The following GP5 variants were observed in gnomAD, a reference collection of about 807,000 sequenced individuals.
GP5 encodes glycoprotein V platelet, also known as platelet glycoprotein V.
For synonymous variants in GP5, 382 were observed against 353.9 expected (o/e 1.08, Z -0.89); for missense variants, 755 against 737.1 (o/e 1.02, Z -0.28).
chr3:194,397,048 C>G lies in GP5; in HGVS notation c.1235G>C (p.Arg412Pro). 1 of 1,596,996 alleles carries G rather than the reference C, an allele frequency of 6.3e-7. No homozygotes were observed. Among genetic ancestry groups the G allele is most frequent in the Non-Finnish European group, 8.5e-7 (1 of 1,178,598 alleles). ...GTGCCCCAACAGGACCTCCGTCAGCCGGGGCAGAGCCCCAAACACGTCGCC... is the reference window on the plus strand; with the variant it reads ...GTGCCCCAACAGGACCTCCGTCAGCGGGGGCAGAGCCCCAAACACGTCGCC... ...LPGDVFGALP[R>P]LTEVLLGHNS... is the part of the protein sequence containing the mutation. The change falls in exon 2 of 2, where the codon CGG becomes CCG. Residue 412 changes from arginine (R) to proline (P), a missense_variant. Physicochemically the swap from Arg to Pro is moderately radical, Grantham distance 103. Coordinates refer to ENST00000692618, the MANE Select transcript of GP5 (RefSeq NM_004488.2). The surrounding 1 kb of genome is among the most constrained non-coding windows in gnomAD (Gnocchi z 7.2).
At position 194,396,819 on chromosome 3, in the gene GP5, C is replaced by A. The variant is rs748131440; in HGVS notation, c.1464G>T (p.Ser488=). The change falls in exon 2 of 2, where the codon TCG becomes TCT. Residue 488 remains serine (S), a synonymous_variant. Coordinates refer to ENST00000692618, the MANE Select transcript of GP5 (RefSeq NM_004488.2). ...PPPRPAADSS[S]EAPVHPALAP... ...CCAAGGCTGGGTGGACAGGGGCTTC[C>A]GAGGAGCTGTCCGCAGCGGGGCGGG... The A allele has an allele frequency of 6.3e-7, 1 of 1,600,000 alleles. No homozygotes were observed. Among genetic ancestry groups the A allele is most frequent in the East Asian group, 2.3e-5 (1 of 44,322 alleles).
chr3:194,396,603 C>A lies in GP5; in HGVS notation c.1680G>T (p.Gly560=), dbSNP rs753524407. The part of the protein sequence containing the change: ...FRKLIRERAL[G] ...ATTAGAAGATTTTCCCATTGGTTTA[C>A]CCAAGGGCTCTCTCTCTGATTAATT... Residue 560 remains glycine, a synonymous_variant, in exon 2 of 2, where the codon GGG becomes GGT. Transcript: ENST00000692618. The A allele has an allele frequency of 1.9e-6, 3 of 1,607,114 alleles. No homozygotes were observed. Among genetic ancestry groups the A allele is most frequent in the Non-Finnish European group, 2.6e-6 (3 of 1,176,084 alleles).
In GP5 at chr3:194,397,353, G is replaced by C. The variant is rs1577011451; in HGVS notation, c.930C>G (p.Phe310Leu). 7.5e-6 allele frequency: 12 copies of C among 1,604,462 alleles called. No homozygotes were observed. The East Asian group carries it at 2.7e-4, about 36-fold the overall frequency. ...TQLRTLPAAAFRNLSRLRYLG... is the reference protein window; with the variant it reads ...TQLRTLPAAALRNLSRLRYLG... ...AGTACCGCAGGCGGCTCAGGTTGCG[G>C]AAGGCGGCGGCGGGCAGGGTGCGCA... The change falls in exon 2 of 2, where the codon TTC becomes TTG. Residue 310 changes from phenylalanine (F) to leucine (L), a missense_variant. Phe to Leu is a conservative substitution (Grantham distance 22, BLOSUM62 0). Coordinates refer to ENST00000692618, the MANE Select transcript of GP5 (RefSeq NM_004488.2). This position sits in a 1 kb window ranked among gnomAD's most constrained non-coding sequence, Gnocchi z 7.2.
intron 1 of GP5, among the ~76,000 whole-genome samples, chr3:194,399,020 C>CAATAAA (rs1714537194): frequency 6.6e-6 from 1 of 151,608 alleles, no homozygotes; most frequent in Non-Finnish European, 1.5e-5. Flanking sequence ...TCTGACTTAG[C>CAATAAA]CATAAAGAGC....
In GP5 at chr3:194,396,237, C is replaced by G. The variant is rs542059499; in HGVS notation, c.*363G>C. 1 of 202,564 alleles carries G rather than the reference C, an allele frequency of 4.9e-6. No homozygotes were observed. The highest frequency in any genetic ancestry group is 1.2e-4 in the East Asian group (1 of 8,638). 12.5% of individuals were successfully genotyped at this position (202,564 alleles called of 1,614,324 possible). On this transcript the variant is annotated 3_prime_UTR_variant, in exon 2 of 2. Transcript: ENST00000692618. ...GACACTGAAGAGGCCCCTCTCTCCA[C>G]CAGACGCCAAGCCAGGCACAGCGGA...
chr3:194,398,613 AG>A (rs776969226), intron 1 of GP5, among the ~76,000 whole-genome samples: 1 of 152,230 alleles, frequency 6.6e-6, no homozygotes, highest in African/African-American at 2.4e-5. Context: ...GACATCACAA[AG>A]CAATGTCCAT....
intron 1 of GP5, among the ~76,000 whole-genome samples, chr3:194,398,643 C>T (rs1007090282): frequency 6.6e-6 from 1 of 152,230 alleles, no homozygotes; most frequent in Admixed American, 6.5e-5. Context: ...CGGCTCTGCT[C>T]TTGACTTTAT....
chr3:194,397,971 C>T lies in GP5; in HGVS notation c.312G>A (p.Arg104=), dbSNP rs1322009303. The T allele has an allele frequency of 6.2e-7, 1 of 1,614,188 alleles. No homozygotes were observed. Among genetic ancestry groups the T allele is most frequent in the Non-Finnish European group, 8.5e-7 (1 of 1,180,024 alleles). ...FSDLIKLKTL[R]LSRNKITHLP... Reference sequence around the variant, plus strand: ...GATGCGTGATTTTGTTGCGCGACAGCCTCAGGGTTTTCAGTTTTATCAGGT... The same window carrying T: ...GATGCGTGATTTTGTTGCGCGACAGTCTCAGGGTTTTCAGTTTTATCAGGT... The change falls in exon 2 of 2, where the codon AGG becomes AGA. Residue 104 remains arginine (R), a synonymous_variant. Transcript: ENST00000692618. This position sits in a 1 kb window ranked among gnomAD's most constrained non-coding sequence, Gnocchi z 7.2.
Position 194,396,941 on chromosome 3 carries a change from G to T in GP5, c.1342C>A (p.Pro448Thr). The change falls in exon 2 of 2, where the codon CCC becomes ACC. Residue 448 changes from proline (P) to threonine (T), a missense_variant. Pro to Thr is a conservative substitution (Grantham distance 38). Coordinates refer to ENST00000692618, the MANE Select transcript of GP5 (RefSeq NM_004488.2). Reference protein sequence around the residue: ...QHLGLVGGEEPPRCAGPGAHA... With the variant: ...QHLGLVGGEETPRCAGPGAHA... ...GCCCCAGGGCCTGCGCACCGTGGGG[G>T]CTCTTCCCCGCCCACGAGGCCTAGG... 2 of 1,538,282 alleles carry T rather than the reference G, an allele frequency of 1.3e-6. No individual in the cohort carries two copies.
intron 1 of GP5, 83 bp from the exon 2 acceptor site, chr3:194,398,367 A>AG: frequency 7.7e-7 from 1 of 1,305,622 alleles, no homozygotes; most frequent in Non-Finnish European, 1.0e-6. Flanking sequence ...CACTTTGTGC[A>AG]GAGGCACAAT....
chr3:194,397,970 G>A lies in GP5; in HGVS notation c.313C>T (p.Leu105=), dbSNP rs140994443. Reference sequence around the variant, plus strand: ...AGATGCGTGATTTTGTTGCGCGACAGCCTCAGGGTTTTCAGTTTTATCAGG... The same window carrying A: ...AGATGCGTGATTTTGTTGCGCGACAACCTCAGGGTTTTCAGTTTTATCAGG... ...SDLIKLKTLR[L]SRNKITHLPG... Residue 105 remains leucine (L), a synonymous_variant, in exon 2 of 2, where the codon CTG becomes TTG. Transcript: ENST00000692618. The surrounding 1 kb of genome is among the most constrained non-coding windows in gnomAD (Gnocchi z 7.2). 98 of 1,614,186 alleles carry A rather than the reference G, an allele frequency of 6.1e-5. No homozygotes were observed. The African/African-American group carries it at 1.1e-3, about 19-fold the overall frequency.
At chr3:194,399,002 G>A (rs942998000) in intron 1 of GP5, among the ~76,000 whole-genome samples, 6 of 144,296 alleles carry the variant, frequency 4.2e-5, no homozygotes, top group Non-Finnish European at 7.5e-5. Flanking sequence ...GAATTTGAGG[G>A]TAGTATTTCT....
Position 194,398,166 on chromosome 3 carries a change from G to C in GP5, c.117C>G (p.Asp39Glu). Residue 39 changes from aspartate to glutamate, a missense_variant, in exon 2 of 2, where the codon GAC becomes GAG. Transcript: ENST00000692618. ...FRDAAQCSGGDVARISALGLP... is the reference protein window; with the variant it reads ...FRDAAQCSGGEVARISALGLP... ...GGCCTAGCGCGGAGATGCGCGCCAC[G>C]TCGCCCCCCGAGCACTGCGCGGCGT... 6.2e-7 allele frequency: 1 copy of C among 1,612,890 alleles called. No individual in the cohort carries two copies. Among genetic ancestry groups the C allele is most frequent in the Non-Finnish European group, 8.5e-7 (1 of 1,179,794 alleles).
At position 194,397,523 on chromosome 3, in the gene GP5, G is replaced by A. The variant is rs1184258942; in HGVS notation, c.760C>T (p.Leu254Phe). ...AAGAGCGCAGAGGGGAGAAACGCAA[G>A]GTGGTTTCTCGAAAGCGTCAAAGAA... ...LSSLTLSRNH[L>F]AFLPSALFLH... The change falls in exon 2 of 2, where the codon CTT becomes TTT. Residue 254 changes from leucine to phenylalanine, a missense_variant. Leu to Phe is a conservative substitution (Grantham distance 22). Transcript: ENST00000692618. This position sits in a 1 kb window ranked among gnomAD's most constrained non-coding sequence, Gnocchi z 7.2. 6.2e-7 allele frequency: 1 copy of A among 1,613,954 alleles called. No homozygotes were observed. The highest frequency in any genetic ancestry group is 1.1e-5 in the South Asian group (1 of 91,080).
Position 194,397,994 on chromosome 3 carries a change from G to A in GP5, c.289C>T (p.Leu97=). The A allele has an allele frequency of 1.2e-6, 2 of 1,614,074 alleles. No homozygotes were observed. Among genetic ancestry groups the A allele is most frequent in the South Asian group, 2.2e-5 (2 of 91,076 alleles). The change falls in exon 2 of 2, where the codon CTG becomes TTG. Residue 97 remains leucine, a synonymous_variant. Transcript: ENST00000692618. This position sits in a 1 kb window ranked among gnomAD's most constrained non-coding sequence, Gnocchi z 7.2. ...SAVAPGTFSD[L]IKLKTLRLSR... ...AGCCTCAGGGTTTTCAGTTTTATCAGGTCACTGAAGGTGCCGGGGGCAACG... is the reference window on the plus strand; with the variant it reads ...AGCCTCAGGGTTTTCAGTTTTATCAAGTCACTGAAGGTGCCGGGGGCAACG...
rs1714501640 is a variant in GP5, at chr3:194,397,609, A to G, written c.674T>C (p.Phe225Ser). ...NSLGALTELQ[F>S]HRNHIRSIAP... ...GATGGAACGGATGTGATTTCGGTGG[A>G]ACTGCAGCTCCGTCAGGGCGCCCAG... Residue 225 changes from phenylalanine to serine, a missense_variant, in exon 2 of 2, where the codon TTC becomes TCC. Transcript: ENST00000692618. The surrounding 1 kb of genome is among the most constrained non-coding windows in gnomAD (Gnocchi z 7.2). The G allele has an allele frequency of 1.2e-6, 2 of 1,614,106 alleles. No individual in the cohort carries two copies. The highest frequency in any genetic ancestry group is 1.7e-6 in the Non-Finnish European group (2 of 1,179,996).
chr3:194,399,231 G>T lies in GP5; in HGVS notation c.-3+7C>A, dbSNP rs533393058. ...CCTATACTAATGTTTAAAATATTTG[G>T]CCTTACCTGAAATGGTTCTGCACTC... On this transcript the variant is annotated splice_region_variant and intron_variant, in intron 1 of 1. Transcript: ENST00000692618. Among the ~76,000 whole-genome samples, 1 of 152,218 alleles carries T rather than the reference G, an allele frequency of 6.6e-6. No homozygotes were observed. Among genetic ancestry groups the T allele is most frequent in the South Asian group, 2.1e-4 (1 of 4,822 alleles).
In GP5 at chr3:194,395,598, T is replaced by C. The variant is rs1714430332; in HGVS notation, c.*1002A>G. The C allele has an allele frequency of 6.6e-6, 1 of 152,236 alleles. No homozygotes were observed. The highest frequency in any genetic ancestry group is 1.5e-5 in the Non-Finnish European group (1 of 68,058). 9.4% of individuals were successfully genotyped at this position (152,236 alleles called of 1,614,324 possible). ...TCTTCCTCTCTCAGCCTCACAGAAG[T>C]CGCTTATCCTGAAAATGCTCATGCA... On this transcript the variant is annotated 3_prime_UTR_variant, in exon 2 of 2. Transcript: ENST00000692618.
chr3:194,398,301 G>A lies in GP5; in HGVS notation c.-2-17C>T. The A allele has an allele frequency of 6.4e-7, 1 of 1,567,980 alleles. No individual in the cohort carries two copies. The highest frequency in any genetic ancestry group is 8.7e-7 in the Non-Finnish European group (1 of 1,154,794). On this transcript the variant is annotated splice_polypyrimidine_tract_variant and intron_variant, in intron 1 of 1. Transcript: ENST00000692618. ...TCAGCATGTCTGAAAAAGCAACCGT[G>A]GGAGTGTGGTCAACACACAGGAGCG... is the stretch of plus-strand genomic sequence containing the variant.
Sources: gnomAD v4.1 joint callset for allele counts (sites outside exome capture counted in the v4.1 genomes callset) on GRCh38, gnomAD v4.1.1 for gene constraint, Gnocchi (gnomAD v3.1) non-coding constraint, MANE v1.5 for transcripts, NCBI Gene and HGNC (gene_info 2026-07-23, HGNC 2026-07-21) for gene names.